ARHGAP22: variants seen among roughly 807,000 people sequenced by gnomAD.
ARHGAP22 encodes the protein Rho GTPase activating protein 22.
Under a neutral mutation model 59.1 loss-of-function variants are expected in ARHGAP22, and 48 were observed. The ratio of observed to expected loss-of-function variants is 0.81; its 90% CI spans 0.64 to 1.03. The LOEUF is 1.03. Among genes scored for constraint, ARHGAP22 ranks in the 50% least tolerant of loss-of-function variants. ARHGAP22 has a pLI of 0.00. For synonymous variants in ARHGAP22, 445 were observed against 416.4 expected (o/e 1.07, Z -0.84); for missense variants, 1,015 against 958.7 (o/e 1.06, Z -0.78).
intron 3 of ARHGAP22, chr10:48,510,422 T>C (rs1174587627): frequency 6.6e-6 from 1 of 152,202 alleles, no homozygotes; most frequent in African/African-American, 2.4e-5. Flanking sequence ...TTGGAAAATG[T>C]CTTGAGACAA....
intron 2 of ARHGAP22, among the ~76,000 whole-genome samples, chr10:48,569,157 T>C (rs77271294): frequency 3.3e-5 from 5 of 152,308 alleles, no homozygotes; most frequent in Non-Finnish European, 7.4e-5. Context: ...GGTGTCTCTG[T>C]GAGAGAGGCT....
intron 3 of ARHGAP22, among the ~76,000 whole-genome samples, chr10:48,486,923 ATTGT>A (rs954870596): frequency 6.6e-6 from 1 of 152,146 alleles, no homozygotes; most frequent in Non-Finnish European, 1.5e-5. Flanking sequence ...CTCTACTTGC[ATTGT>A]TTCTCATGAG....
intron 4 of ARHGAP22, among the ~76,000 whole-genome samples, chr10:48,468,471 C>T (rs2047927141): frequency 6.6e-6 from 1 of 152,106 alleles, no homozygotes; most frequent in Admixed American, 6.5e-5. Context: ...TGCTGTAGCC[C>T]CTGGAAGGTT....
intron 2 of ARHGAP22, among the ~76,000 whole-genome samples, chr10:48,573,431 T>C (rs1457783063): frequency 1.3e-5 from 2 of 152,202 alleles, no homozygotes; most frequent in Non-Finnish European, 2.9e-5. Context: ...CAAGATCCTG[T>C]AATATGACAT....
intron 1 of ARHGAP22, among the ~76,000 whole-genome samples, chr10:48,639,516 C>T (rs1051566783): frequency 2.8e-4 from 42 of 152,182 alleles, no homozygotes; most frequent in African/African-American, 8.2e-4. Flanking sequence ...AGAGGGCTTA[C>T]GGGCTCATGG....
intron 3 of ARHGAP22, among the ~76,000 whole-genome samples, chr10:48,489,958 C>T (rs1431043175): frequency 6.6e-6 from 1 of 152,148 alleles, no homozygotes; most frequent in East Asian, 1.9e-4. Flanking sequence ...TGGTCTGGAT[C>T]TCCTGACCTC....
intron 3 of ARHGAP22, among the ~76,000 whole-genome samples, chr10:48,552,522 G>A (rs541887359): frequency 3.3e-5 from 5 of 152,354 alleles, no homozygotes; most frequent in Non-Finnish European, 7.3e-5. Flanking sequence ...CATTTACCCC[G>A]GGGGCTGTGC....
chr10:48,653,471 C>T (rs1258811230), upstream of ARHGAP22, among the ~76,000 whole-genome samples: 1 of 152,228 alleles, frequency 6.6e-6, no homozygotes, highest in African/African-American at 2.4e-5. Flanking sequence ...GATCTGTGGA[C>T]AGTTCCTGCT....
chr10:48,613,144 T>G (rs2060957065), intron 1 of ARHGAP22, among the ~76,000 whole-genome samples: 3 of 152,216 alleles, frequency 2.0e-5, no homozygotes, highest in Admixed American at 2.0e-4. Flanking sequence ...TGTGCTGCCT[T>G]GCTTTAGTGA....
At chr10:48,518,447 T>C (rs76750995) in intron 3 of ARHGAP22, among the ~76,000 whole-genome samples, 2,915 of 152,228 alleles carry the variant, frequency 0.019, 102 homozygotes, top group African/African-American at 0.067. Flanking sequence ...GAAAAATACA[T>C]AATGGCAAGT....
chr10:48,477,111 G>A (rs537960416), intron 4 of ARHGAP22, among the ~76,000 whole-genome samples: 1 of 152,274 alleles, frequency 6.6e-6, no homozygotes, highest in Non-Finnish European at 1.5e-5. Context: ...AGATATGTAT[G>A]CCCCTCTCCC....
At chr10:48,644,637 C>G (rs1303599376) in intron 1 of ARHGAP22, among the ~76,000 whole-genome samples, 1 of 152,108 alleles carries the variant, frequency 6.6e-6, no homozygotes, top group Non-Finnish European at 1.5e-5. Context: ...TGGAAACCCT[C>G]AAATATTTGG....
chr10:48,500,266 C>G (rs2134356264), intron 3 of ARHGAP22, among the ~76,000 whole-genome samples: 1 of 152,146 alleles, frequency 6.6e-6, no homozygotes, highest in East Asian at 1.9e-4. Context: ...GTAACTTGAC[C>G]TCAGCAGAGC....
intron 3 of ARHGAP22, among the ~76,000 whole-genome samples, chr10:48,531,274 G>A (rs1399885763): frequency 6.6e-6 from 1 of 152,186 alleles, no homozygotes; most frequent in African/African-American, 2.4e-5. Flanking sequence ...TTGGGGGAAA[G>A]GGTGGCAGGA....
intron 3 of ARHGAP22, among the ~76,000 whole-genome samples, chr10:48,481,936 G>A (rs1200888006): frequency 1.3e-5 from 2 of 152,066 alleles, no homozygotes; most frequent in Admixed American, 6.5e-5. Context: ...CAAATCTTTT[G>A]CCTATTTTTA....
intron 3 of ARHGAP22, among the ~76,000 whole-genome samples, chr10:48,486,907 A>G (rs1713801505): frequency 6.6e-6 from 1 of 152,194 alleles, no homozygotes; most frequent in South Asian, 2.1e-4. Flanking sequence ...AACTGTTAAG[A>G]TGTTGCTCTA....
upstream of ARHGAP22, chr10:48,605,168 C>T: frequency 8.8e-7 from 1 of 1,135,728 alleles, no homozygotes; most frequent in South Asian, 2.6e-5. Flanking sequence ...AGGGGCGGGG[C>T]CAGCCAGAGA....
intron 2 of ARHGAP22, chr10:48,556,780 G>A (rs2057335446): frequency 1.3e-5 from 2 of 152,108 alleles, no homozygotes; most frequent in South Asian, 4.1e-4. Context: ...TGTATATAAG[G>A]GCTCCACACC....
intron 1 of ARHGAP22, among the ~76,000 whole-genome samples, chr10:48,643,658 C>G (rs1356884195): frequency 6.6e-6 from 1 of 150,626 alleles, no homozygotes; most frequent in South Asian, 2.1e-4. Context: ...ATGTAAATGA[C>G]GAGTTAATGG....
Sources: gnomAD v4.1 joint callset for allele counts (sites outside exome capture counted in the v4.1 genomes callset) on GRCh38, gnomAD v4.1.1 for gene constraint, MANE v1.5 for transcripts, NCBI Gene and HGNC (gene_info 2026-07-23, HGNC 2026-07-21) for gene names.